OTUD7B: variants seen among roughly 807,000 people sequenced by gnomAD.
The protein encoded by OTUD7B is OTU domain-containing protein 7B.
In OTUD7B, 34 loss-of-function variants were observed where a neutral mutation model predicts 82.2. The observed-to-expected ratio is 0.41, with a 90% CI of 0.31 to 0.55. The LOEUF (loss-of-function observed/expected upper bound fraction) is 0.55, where lower values mean the gene tolerates loss of function less well. Ranked by LOEUF, OTUD7B falls within the 20% of genes least tolerant of loss-of-function variation. The pLI is 0.20. For synonymous variants in OTUD7B, 398 were observed against 402.7 expected (o/e 0.99, Z 0.14); for missense variants, 944 against 1,062.1 (o/e 0.89, Z 1.55).
the OTUD7B span, among the ~76,000 whole-genome samples, chr1:150,029,752 T>C: frequency 6.6e-6 from 1 of 152,176 alleles, no homozygotes; most frequent in Non-Finnish European, 1.5e-5. Flanking sequence ...CTAGGTCATA[T>C]AGCAGGGAAG....
chr1:150,015,682 T>C (rs1276282603), upstream of OTUD7B, among the ~76,000 whole-genome samples: 6 of 152,204 alleles, frequency 3.9e-5, no homozygotes, highest in African/African-American at 1.4e-4. Context: ...GCTTAACCAA[T>C]GTCCATCCTC....
At chr1:149,964,781 A>G (rs1649410018) in intron 5 of OTUD7B, among the ~76,000 whole-genome samples, 1 of 151,796 alleles carries the variant, frequency 6.6e-6, no homozygotes, top group East Asian at 1.9e-4. Flanking sequence ...TTTAGTAGAT[A>G]CAGGGTTTCA....
intron 1 of OTUD7B, among the ~76,000 whole-genome samples, chr1:149,997,072 A>ATATT (rs1271595054): frequency 3.5e-4 from 53 of 152,202 alleles, no homozygotes; most frequent in African/African-American, 1.2e-3. Flanking sequence ...AAATCCGAGA[A>ATATT]TATTTAGTCT....
intron 1 of OTUD7B, among the ~76,000 whole-genome samples, chr1:149,989,962 T>C (rs915330498): frequency 6.6e-6 from 1 of 152,302 alleles, no homozygotes; most frequent in East Asian, 1.9e-4. Context: ...TCTGCTGTTA[T>C]TATTTACTGT....
intron 3 of OTUD7B, among the ~76,000 whole-genome samples, chr1:149,970,217 G>GAAA (rs880002316): frequency 6.9e-6 from 1 of 145,934 alleles, no homozygotes; most frequent in Non-Finnish European, 1.5e-5. Context: ...ATTGCCTCAA[G>GAAA]AAAAAAAAAA....
In OTUD7B at chr1:149,949,662, A is replaced by T; in HGVS notation, c.1090T>A (p.Ser364Thr). The change falls in exon 9 of 12, where the codon TCC becomes ACC. Residue 364 changes from serine (S) to threonine (T), a missense_variant. Transcript: ENST00000581312. ...YDQAHFSALV[S>T]MEQKENTKEQ... ...TTGGTATTCTCCTTCTGCTCCATGG[A>T]CACGAGTGCAGAAAAGTGGGCCTGA... The T allele has an allele frequency of 6.2e-7, 1 of 1,614,164 alleles. No homozygotes were observed. The highest frequency in any genetic ancestry group is 8.5e-7 in the Non-Finnish European group (1 of 1,180,014).
At chr1:150,035,167 A>G in the OTUD7B span, among the ~76,000 whole-genome samples, 2 of 151,480 alleles carry the variant, frequency 1.3e-5, no homozygotes, top group East Asian at 1.9e-4. Context: ...GGTCAGTATG[A>G]TTTAGAGTAC....
the OTUD7B span, among the ~76,000 whole-genome samples, chr1:150,028,080 T>C: frequency 6.6e-6 from 1 of 152,234 alleles, no homozygotes; most frequent in African/African-American, 2.4e-5. Flanking sequence ...ATAATACTTA[T>C]GTTTTCACTA....
At chr1:150,062,650 T>G in the OTUD7B span, among the ~76,000 whole-genome samples, 1 of 151,880 alleles carries the variant, frequency 6.6e-6, no homozygotes, top group African/African-American at 2.4e-5. Flanking sequence ...GGTCTAGAAC[T>G]GATTAAAAAG....
At chr1:149,991,713 T>C (rs1408778072) in intron 1 of OTUD7B, among the ~76,000 whole-genome samples, 1 of 152,206 alleles carries the variant, frequency 6.6e-6, no homozygotes, top group Non-Finnish European at 1.5e-5. Flanking sequence ...CGAATATAAA[T>C]CTGCTTACTC....
rs1648993716 is a variant in OTUD7B at position 149,959,667 on chromosome 1, T to C, written c.845+17A>G. On this transcript the variant is annotated intron_variant, in intron 7 of 11. Transcript: ENST00000581312. The stretch of plus-strand genomic sequence containing the variant: ...ACTCTATGCAGGTTTCCTCCTCCCC[T>C]ACTTAGCCATACTTACCCACCACAG... 1.3e-6 allele frequency: 2 copies of C among 1,509,086 alleles called. No individual in the cohort carries two copies. Among genetic ancestry groups the C allele is most frequent in the Non-Finnish European group, 1.8e-6 (2 of 1,084,100 alleles). 93.5% of individuals were successfully genotyped at this position (1,509,086 alleles called of 1,614,324 possible).
the OTUD7B span, among the ~76,000 whole-genome samples, chr1:150,022,322 C>T: frequency 3.4e-5 from 5 of 147,442 alleles, no homozygotes; most frequent in African/African-American, 1.0e-4. Context: ...CGCTTGAAAC[C>T]GGGAGGCAGA....
At chr1:149,989,021 A>AAAT (rs1651379336) in intron 1 of OTUD7B, among the ~76,000 whole-genome samples, 1 of 152,184 alleles carries the variant, frequency 6.6e-6, no homozygotes, top group Non-Finnish European at 1.5e-5. Context: ...TTTCACTATA[A>AAAT]ATTACAGAAT....
the OTUD7B span, among the ~76,000 whole-genome samples, chr1:150,045,968 A>G: frequency 1.3e-5 from 2 of 152,258 alleles, no homozygotes; most frequent in African/African-American, 4.8e-5. Flanking sequence ...AAGCAGAGGA[A>G]ATAATTATAT....
chr1:150,035,590 T>G, the OTUD7B span, among the ~76,000 whole-genome samples: 2 of 152,244 alleles, frequency 1.3e-5, no homozygotes, highest in African/African-American at 4.8e-5. Flanking sequence ...ATGTTTCTAT[T>G]GTCTTCCTTA....
chr1:149,990,191 C>A (rs1472939888), intron 1 of OTUD7B, among the ~76,000 whole-genome samples: 1 of 152,178 alleles, frequency 6.6e-6, no homozygotes, highest in East Asian at 1.9e-4. Context: ...ATAGAAGCAA[C>A]CAGTTTACCC....
chr1:150,003,110 C>T (rs1345290932), intron 1 of OTUD7B, among the ~76,000 whole-genome samples: 1 of 152,036 alleles, frequency 6.6e-6, no homozygotes, highest in Non-Finnish European at 1.5e-5. Context: ...ATTAGCCGGG[C>T]ATGGTGGCGG....
At chr1:150,030,708 C>T in the OTUD7B span, among the ~76,000 whole-genome samples, 7 of 152,330 alleles carry the variant, frequency 4.6e-5, no homozygotes, top group South Asian at 1.2e-3. Flanking sequence ...GCTCTTCAAA[C>T]CACTTGAATT....
intron 7 of OTUD7B, among the ~76,000 whole-genome samples, chr1:149,956,925 A>G (rs1375060186): frequency 6.6e-6 from 1 of 152,032 alleles, no homozygotes; most frequent in East Asian, 1.9e-4. Flanking sequence ...TATTCTAGTT[A>G]GCCATTCGTC....
Sources: gnomAD v4.1 joint callset for allele counts (sites outside exome capture counted in the v4.1 genomes callset) on GRCh38, gnomAD v4.1.1 for gene constraint, MANE v1.5 for transcripts, NCBI Gene and HGNC (gene_info 2026-07-23, HGNC 2026-07-21) for gene names.